The following MAGI2 variants were observed in gnomAD, a reference collection of about 807,000 sequenced individuals.
MAGI2 encodes the protein membrane-associated guanylate kinase, WW and PDZ domain-containing protein 2.
MAGI2 carries 35 observed loss-of-function variants against 133.3 expected under a neutral mutation model. That is an observed-to-expected ratio of 0.26 (90% CI 0.20 to 0.35). The LOEUF is 0.35. Ranked by LOEUF, MAGI2 falls within the 10% of genes least tolerant of loss-of-function variation. The pLI, the probability that MAGI2 is intolerant of heterozygous loss-of-function variation, is 1.00. For synonymous variants in MAGI2, 729 were observed against 710.6 expected (o/e 1.03, Z -0.41); for missense variants, 1,636 against 1,863.4 (o/e 0.88, Z 2.25).
intron 1 of MAGI2, among the ~76,000 whole-genome samples, chr7:79,338,617 T>C (rs919390662): frequency 2.0e-5 from 3 of 152,128 alleles, no homozygotes; most frequent in Non-Finnish European, 2.9e-5. Context: ...CATAGGATTA[T>C]AGGCAATATG....
chr7:78,107,234 C>T (rs1022887133), intron 20 of MAGI2, among the ~76,000 whole-genome samples: 2 of 152,046 alleles, frequency 1.3e-5, no homozygotes, highest in African/African-American at 4.8e-5. Flanking sequence ...TATGCCAGTA[C>T]CATGCTGTTT....
At chr7:78,312,209 A>T (rs1489343747) in intron 9 of MAGI2, among the ~76,000 whole-genome samples, 1 of 148,416 alleles carries the variant, frequency 6.7e-6, no homozygotes, top group East Asian at 1.9e-4. Context: ...TGCCAAAAAA[A>T]GTTGTTTTAT....
chr7:78,599,694 T>A (rs1282197354), intron 3 of MAGI2, among the ~76,000 whole-genome samples: 4 of 152,198 alleles, frequency 2.6e-5, no homozygotes, highest in Admixed American at 1.3e-4. Context: ...ACTATTGCAA[T>A]GTGCCATGTC....
intron 5 of MAGI2, among the ~76,000 whole-genome samples, chr7:78,496,852 T>A (rs529126967): frequency 1.3e-5 from 2 of 152,294 alleles, no homozygotes; most frequent in Non-Finnish European, 1.5e-5. Flanking sequence ...TTTTGACTAC[T>A]GTATTCTCAG....
At chr7:78,270,987 C>A (rs961573933) in intron 9 of MAGI2, among the ~76,000 whole-genome samples, 1 of 152,098 alleles carries the variant, frequency 6.6e-6, no homozygotes. Flanking sequence ...CTGGCCAGAA[C>A]TTCCAACACT....
chr7:79,280,294 G>A (rs540169210), intron 1 of MAGI2, among the ~76,000 whole-genome samples: 14 of 152,142 alleles, frequency 9.2e-5, no homozygotes, highest in South Asian at 8.3e-4. Context: ...ACAATGAGAG[G>A]GCAAAGCAAA....
chr7:78,339,672 A>G (rs1364142589), intron 9 of MAGI2, among the ~76,000 whole-genome samples: 2 of 152,166 alleles, frequency 1.3e-5, no homozygotes, highest in African/African-American at 2.4e-5. Context: ...CAATAGGGTA[A>G]TTTTTATTGA....
chr7:79,355,683 T>C (rs1413740675), intron 1 of MAGI2, among the ~76,000 whole-genome samples: 2 of 152,188 alleles, frequency 1.3e-5, no homozygotes, highest in African/African-American at 4.8e-5. Context: ...CTAAATCAGA[T>C]AGACAGATAG....
chr7:78,943,133 C>A (rs536344600), intron 2 of MAGI2, among the ~76,000 whole-genome samples: 1 of 152,028 alleles, frequency 6.6e-6, no homozygotes, highest in Admixed American at 6.6e-5. Flanking sequence ...CTTCAAGGAG[C>A]AGTTTTGAGG....
intron 2 of MAGI2, among the ~76,000 whole-genome samples, chr7:78,683,555 T>C (rs768037384): frequency 6.6e-6 from 1 of 152,212 alleles, no homozygotes. Context: ...CCAGCCATCC[T>C]GGTTTCCTAA....
At chr7:78,067,162 A>C (rs1314292191) in intron 21 of MAGI2, among the ~76,000 whole-genome samples, 3 of 152,206 alleles carry the variant, frequency 2.0e-5, no homozygotes. Context: ...TTATTAATTG[A>C]GTTTACCACT....
rs11981997 is a variant in MAGI2 at position 78,721,020 on chromosome 7, A to G, written c.419-93781T>C. 4.0e-3 allele frequency among the ~76,000 whole-genome samples: 603 copies of G among 152,200 alleles called. 6 individuals carry two copies. The highest frequency in any genetic ancestry group is 0.014 in the African/African-American group (572 of 41,556). On this transcript the variant is annotated intron_variant, in intron 2 of 21. Coordinates refer to ENST00000354212, the MANE Select transcript of MAGI2 (RefSeq NM_012301.4). ...GGGGGCCTAATCATTTTTCTAGAAGAACTCTGAAGAAAGAGTTGGACCTAA... is the reference window on the plus strand; with the variant it reads ...GGGGGCCTAATCATTTTTCTAGAAGGACTCTGAAGAAAGAGTTGGACCTAA...
At chr7:78,076,286 C>T (rs936654881) in intron 21 of MAGI2, among the ~76,000 whole-genome samples, 1 of 151,598 alleles carries the variant, frequency 6.6e-6, no homozygotes, top group African/African-American at 2.4e-5. Flanking sequence ...GGTGAAACCC[C>T]ATCTCTACAA....
At chr7:78,420,727 A>G (rs1798719529) in intron 6 of MAGI2, among the ~76,000 whole-genome samples, 1 of 152,170 alleles carries the variant, frequency 6.6e-6, no homozygotes, top group South Asian at 2.1e-4. Flanking sequence ...CACTATGCCA[A>G]AATTTTACCT....
intron 1 of MAGI2, among the ~76,000 whole-genome samples, chr7:79,280,822 G>T (rs1176682192): frequency 4.0e-5 from 6 of 150,726 alleles, no homozygotes; most frequent in Non-Finnish European, 8.8e-5. Flanking sequence ...CTACTTGGTA[G>T]GTTGAGGTAG....
chr7:78,036,480 G>A (rs192518484), intron 21 of MAGI2, among the ~76,000 whole-genome samples: 67 of 152,234 alleles, frequency 4.4e-4, no homozygotes, highest in African/African-American at 1.5e-3. Context: ...TGCTGTGCAT[G>A]CGTTCTGTCA....
chr7:78,559,620 C>T (rs1421729076), intron 3 of MAGI2, among the ~76,000 whole-genome samples: 2 of 152,124 alleles, frequency 1.3e-5, no homozygotes, highest in Non-Finnish European at 2.9e-5. Flanking sequence ...AGGGAACCCA[C>T]AGAGTAGAAA....
chr7:78,852,709 A>G (rs1279893670), intron 2 of MAGI2, among the ~76,000 whole-genome samples: 9 of 152,132 alleles, frequency 5.9e-5, no homozygotes, highest in Non-Finnish European at 8.8e-5. Flanking sequence ...TCCAATTTGT[A>G]CTATTGGAAA....
At chr7:78,416,774 T>C (rs1798343597) in intron 6 of MAGI2, among the ~76,000 whole-genome samples, 1 of 152,146 alleles carries the variant, frequency 6.6e-6, no homozygotes, top group Non-Finnish European at 1.5e-5. Flanking sequence ...GCTGTCTGAC[T>C]CTTTCATCTC....
Sources: allele counts gnomAD v4.1 joint callset (sites outside exome capture counted in the v4.1 genomes callset), GRCh38; gene constraint gnomAD v4.1.1; transcripts MANE v1.5; gene names NCBI Gene and HGNC (gene_info 2026-07-23, HGNC 2026-07-21).